The following GBE1 variants were observed in gnomAD, a reference collection of about 807,000 sequenced individuals.
GBE1 encodes 1,4-alpha-glucan branching enzyme 1.
Under a neutral mutation model 88.8 loss-of-function variants are expected in GBE1, and 70 were observed. The ratio of observed to expected loss-of-function variants is 0.79; its 90% CI spans 0.65 to 0.96. The LOEUF (loss-of-function observed/expected upper bound fraction) is 0.96. Among genes scored for constraint, GBE1 ranks in the 40% least tolerant of loss-of-function variants. The probability of loss-of-function intolerance (pLI) is 0.00; values close to 1 mark genes in which losing one functional copy is unlikely to be tolerated. For missense variants in GBE1, 872 were observed against 871.0 expected (o/e 1.00, Z -0.01); for synonymous variants, 284 against 300.1 (o/e 0.95, Z 0.56).
intron 12 of GBE1, among the ~76,000 whole-genome samples, chr3:81,573,592 T>C (rs997786211): frequency 1.3e-5 from 2 of 152,230 alleles, no homozygotes; most frequent in Non-Finnish European, 2.9e-5. Flanking sequence ...TACCACTTAG[T>C]AATACCTGGT....
intron 13 of GBE1, 91 bp downstream of exon 13, chr3:81,536,817 TTTA>T: frequency 1.0e-6 from 1 of 967,074 alleles, no homozygotes; most frequent in Non-Finnish European, 1.5e-6. Context: ...TAAATTGCTG[TTTA>T]AAAGATCTGC....
chr3:81,596,989 C>T (rs1213950476), intron 7 of GBE1, among the ~76,000 whole-genome samples: 1 of 151,750 alleles, frequency 6.6e-6, no homozygotes, highest in African/African-American at 2.4e-5. Flanking sequence ...TCCATTTTTC[C>T]TTTTTTGGGG....
chr3:81,545,636 G>T (rs1237951365), intron 12 of GBE1, among the ~76,000 whole-genome samples: 2 of 151,876 alleles, frequency 1.3e-5, no homozygotes, highest in Non-Finnish European at 2.9e-5. Flanking sequence ...GTGTGTGTGT[G>T]TATGTGTGTG....
At chr3:81,621,226 T>C (rs1576173220) in intron 7 of GBE1, among the ~76,000 whole-genome samples, 1 of 152,318 alleles carries the variant, frequency 6.6e-6, no homozygotes, top group South Asian at 2.1e-4. Context: ...ATGGATTGAG[T>C]GTATTCGAAT....
In GBE1 at chr3:81,586,159, G is replaced by A; in HGVS notation, c.1268C>T (p.Pro423Leu). 1 of 1,608,886 alleles carries A rather than the reference G, an allele frequency of 6.2e-7. No individual in the cohort carries two copies. Among genetic ancestry groups the A allele is most frequent in the African/African-American group, 1.3e-5 (1 of 74,708 alleles). The part of the protein sequence containing the change: ...DVSGMPALCS[P>L]ISQGGGGFDY... Reference sequence around the variant, plus strand: ...AAAACCACCCCCTCCCTGGGAAATTGGAGAGCACAGAGCTGGCATTCCTGA... The same window carrying A: ...AAAACCACCCCCTCCCTGGGAAATTAGAGAGCACAGAGCTGGCATTCCTGA... The change falls in exon 10 of 16, where the codon CCA becomes CTA. Residue 423 changes from proline to leucine, a missense_variant. Transcript: ENST00000429644.
At chr3:81,702,372 A>C (rs1332236390) in intron 2 of GBE1, among the ~76,000 whole-genome samples, 1 of 152,016 alleles carries the variant, frequency 6.6e-6, no homozygotes, top group Non-Finnish European at 1.5e-5. Flanking sequence ...TAGTGAAAAA[A>C]AGTTGAGATC....
intron 11 of GBE1, 31 bp from the exon 12 acceptor site, chr3:81,578,127 A>G (rs2106934115): frequency 1.5e-6 from 2 of 1,304,154 alleles, no homozygotes; most frequent in Non-Finnish European, 2.0e-6. Flanking sequence ...GAGATAAATG[A>G]AAAAAAAAAG....
chr3:81,578,975 T>C (rs1177484198), intron 11 of GBE1, among the ~76,000 whole-genome samples: 1 of 152,050 alleles, frequency 6.6e-6, no homozygotes, highest in African/African-American at 2.4e-5. Flanking sequence ...AGGATTTATA[T>C]CATTACTTCT....
intron 3 of GBE1, among the ~76,000 whole-genome samples, chr3:81,656,894 G>A (rs570264473): frequency 8.2e-4 from 124 of 152,134 alleles, no homozygotes; most frequent in African/African-American, 2.7e-3. Context: ...TGTGGCTCAC[G>A]CTTGTAATCA....
At chr3:81,625,942 G>C (rs1704408897) in intron 7 of GBE1, among the ~76,000 whole-genome samples, 1 of 152,208 alleles carries the variant, frequency 6.6e-6, no homozygotes, top group South Asian at 2.1e-4. Context: ...ATTTTAAAAA[G>C]CGTAAATACT....
intron 7 of GBE1, among the ~76,000 whole-genome samples, chr3:81,636,786 T>C (rs1704598445): frequency 1.3e-5 from 2 of 152,086 alleles, no homozygotes; most frequent in South Asian, 4.1e-4. Flanking sequence ...CCCCTTGGCC[T>C]CCCAAAATGC....
intron 12 of GBE1, among the ~76,000 whole-genome samples, chr3:81,557,951 C>A (rs1259585707): frequency 6.6e-6 from 1 of 151,934 alleles, no homozygotes; most frequent in Non-Finnish European, 1.5e-5. Context: ...CAGAGGTCTG[C>A]AAGTCAATGA....
chr3:81,698,368 G>A (rs1209458237), intron 2 of GBE1, among the ~76,000 whole-genome samples: 2 of 151,938 alleles, frequency 1.3e-5, no homozygotes, highest in Non-Finnish European at 2.9e-5. Context: ...CTCTGATAAG[G>A]ATTTTGTAGC....
intron 8 of GBE1, among the ~76,000 whole-genome samples, chr3:81,591,367 T>C (rs1025485624): frequency 2.0e-5 from 3 of 152,284 alleles, no homozygotes; most frequent in Non-Finnish European, 4.4e-5. Context: ...TCAATTTTGT[T>C]TGACAAATGC....
At chr3:81,739,187 C>T (rs374738309) in intron 1 of GBE1, among the ~76,000 whole-genome samples, 43 of 152,184 alleles carry the variant, frequency 2.8e-4, no homozygotes, top group East Asian at 1.5e-3. Flanking sequence ...ATATAAATTT[C>T]GGCAGAGGGA....
intron 8 of GBE1, among the ~76,000 whole-genome samples, chr3:81,592,690 A>T (rs1329087110): frequency 1.3e-5 from 2 of 151,920 alleles, no homozygotes; most frequent in African/African-American, 4.8e-5. Context: ...CCATATCCAT[A>T]AACTTTGGTT....
chr3:81,675,280 C>A (rs1027570130), intron 2 of GBE1, among the ~76,000 whole-genome samples: 5 of 151,886 alleles, frequency 3.3e-5, no homozygotes, highest in African/African-American at 9.7e-5. Context: ...CTTCTGAAAT[C>A]AAAAATGTCA....
rs1702847393 is a variant in GBE1, at chr3:81,519,729, T to G, written c.1934+15466A>C. Among the ~76,000 whole-genome samples, 4 of 151,404 alleles carry G rather than the reference T, an allele frequency of 2.6e-5. No homozygotes were observed. In the Admixed American group the frequency reaches 2.6e-4, roughly 10 times the overall value. Reference sequence around the variant, plus strand: ...AATCACAATAATTGAACTTCACATGTAAGTTTTGCTTTAAAATTATTTTTC... The same window carrying G: ...AATCACAATAATTGAACTTCACATGGAAGTTTTGCTTTAAAATTATTTTTC... On this transcript the variant is annotated intron_variant, in intron 14 of 15. Coordinates refer to ENST00000429644, the MANE Select transcript of GBE1 (RefSeq NM_000158.4).
chr3:81,491,354 C>A (rs1702433829), intron 15 of GBE1, among the ~76,000 whole-genome samples: 1 of 152,152 alleles, frequency 6.6e-6, no homozygotes, highest in African/African-American at 2.4e-5. Flanking sequence ...AGACTATGAG[C>A]TTTACAAAGG....
Sources: allele counts gnomAD v4.1 joint callset (sites outside exome capture counted in the v4.1 genomes callset), GRCh38; gene constraint gnomAD v4.1.1; transcripts MANE v1.5; gene names NCBI Gene and HGNC (gene_info 2026-07-23, HGNC 2026-07-21).